MACROD2: variants seen among roughly 807,000 people sequenced by gnomAD.
MACROD2 encodes the protein ADP-ribose glycohydrolase MACROD2.
A neutral mutation model predicts 70.4 loss-of-function variants in MACROD2; 36 were observed. The ratio of observed to expected loss-of-function variants is 0.51; its 90% confidence interval spans 0.39 to 0.68. The LOEUF (loss-of-function observed/expected upper bound fraction) is 0.68, where lower values mean the gene tolerates loss of function less well. MACROD2 is among the 30% of genes least tolerant of loss of function. MACROD2 has a pLI of 0.00. For synonymous variants in MACROD2, 172 were observed against 178.8 expected, an observed-to-expected ratio of 0.96 and a Z score of 0.30; for missense variants, 496 against 538.4, an observed-to-expected ratio of 0.92 and a Z score of 0.78.
At chr20:15,164,935 G>A (rs1357406442) in intron 5 of MACROD2, among the ~76,000 whole-genome samples, 1 of 151,778 alleles carries the variant, frequency 6.6e-6, no homozygotes, top group East Asian at 1.9e-4. Context: ...ATCAATATCA[G>A]CATAAATGAG....
rs1442573778 is a variant in MACROD2, at chr20:15,967,552, GATTTTGCAAAGGATGAAA to G, written c.910_927del (p.Phe304_Asn309del). ...CAAAGGTTTTGCTTGTTTGTTGTTA[GATTTTGCAAAGGATGAAA>G]ATATTACAAAAGGCGGTGAAGTGAC... On this transcript the variant is annotated inframe_deletion and splice_region_variant, in exon 13 of 18. Transcript: ENST00000684519. 1 of 1,610,238 alleles carries G rather than the reference GATTTTGCAAAGGATGAAA, an allele frequency of 6.2e-7. No homozygotes were observed. The highest frequency in any genetic ancestry group is 1.7e-5 in the Admixed American group (1 of 59,306).
rs750964083 is a variant in MACROD2, at chr20:15,543,425, ACAC to A, written c.645+43579_645+43581del. Among the ~76,000 whole-genome samples, 18 of 152,082 alleles carry A rather than the reference ACAC, an allele frequency of 1.2e-4. No homozygotes were observed. The South Asian group carries it at 3.7e-3, about 32-fold the overall frequency. On this transcript the variant is annotated intron_variant, in intron 8 of 17. Transcript: ENST00000684519. Reference sequence around the variant, plus strand: ...TAGTTATTGTTATTTTAATGGTGCCACACACAGGTGATCAAGGTTTCAGTGCCA... The same window carrying A: ...TAGTTATTGTTATTTTAATGGTGCCAACAGGTGATCAAGGTTTCAGTGCCA...
chr20:16,026,068 G>A (rs191748807), intron 15 of MACROD2, among the ~76,000 whole-genome samples: 9 of 152,042 alleles, frequency 5.9e-5, no homozygotes, highest in Non-Finnish European at 1.0e-4. Context: ...CAGGAGAATC[G>A]CTTGAACCCA....
chr20:15,347,144 A>G (rs1353857923), intron 6 of MACROD2, among the ~76,000 whole-genome samples: 1 of 152,166 alleles, frequency 6.6e-6, no homozygotes, highest in Non-Finnish European at 1.5e-5. Context: ...GCAGCTCTCT[A>G]CATACTTCAA....
At chr20:15,800,495 A>T (rs1175018485) in intron 8 of MACROD2, among the ~76,000 whole-genome samples, 1 of 152,144 alleles carries the variant, frequency 6.6e-6, no homozygotes, top group Non-Finnish European at 1.5e-5. Context: ...ATTCCTCTGC[A>T]TAGGGATATT....
chr20:14,685,905 G>C (rs1412903152), intron 5 of MACROD2, among the ~76,000 whole-genome samples: 1 of 152,138 alleles, frequency 6.6e-6, no homozygotes, highest in Non-Finnish European at 1.5e-5. Flanking sequence ...TATATAGACA[G>C]GTTGTCATAA....
chr20:14,077,446 CCTT>C (rs890863813), intron 2 of MACROD2, among the ~76,000 whole-genome samples: 1 of 152,084 alleles, frequency 6.6e-6, no homozygotes, highest in Non-Finnish European at 1.5e-5. Flanking sequence ...ACAGCTGTCT[CCTT>C]AAGTTTTCTT....
At chr20:15,969,371 A>C (rs186997484) in intron 13 of MACROD2, among the ~76,000 whole-genome samples, 30 of 152,304 alleles carry the variant, frequency 2.0e-4, no homozygotes, top group Non-Finnish European at 1.5e-5. Flanking sequence ...ACAATAAGGC[A>C]AGAGAAGTTC....
intron 3 of MACROD2, among the ~76,000 whole-genome samples, chr20:14,450,147 T>C (rs1184947107): frequency 6.6e-6 from 1 of 152,116 alleles, no homozygotes; most frequent in Non-Finnish European, 1.5e-5. Flanking sequence ...AATCAGTGTA[T>C]CTCAATGTAA....
intron 5 of MACROD2, among the ~76,000 whole-genome samples, chr20:14,851,112 A>G (rs1312690382): frequency 3.9e-5 from 6 of 152,312 alleles, no homozygotes; most frequent in South Asian, 2.1e-4. Flanking sequence ...AAAATACACA[A>G]AGTAAGTTGT....
At chr20:14,533,241 T>C (rs902990429) in intron 4 of MACROD2, among the ~76,000 whole-genome samples, 1 of 152,244 alleles carries the variant, frequency 6.6e-6, no homozygotes, top group African/African-American at 2.4e-5. Flanking sequence ...TTCTGCTTTC[T>C]TTAGCAATTT....
intron 3 of MACROD2, among the ~76,000 whole-genome samples, chr20:14,464,329 T>C (rs1041301381): frequency 3.3e-5 from 5 of 152,148 alleles, no homozygotes; most frequent in Non-Finnish European, 7.3e-5. Context: ...CGTAGAGGTA[T>C]TTGTAGTATT....
chr20:15,770,380 A>C (rs754773986), intron 8 of MACROD2, among the ~76,000 whole-genome samples: 3 of 152,144 alleles, frequency 2.0e-5, no homozygotes, highest in Non-Finnish European at 4.4e-5. Context: ...GACTAAGAAA[A>C]GTAGATTCTA....
chr20:15,048,275 C>A (rs958699246), intron 5 of MACROD2, among the ~76,000 whole-genome samples: 2 of 151,916 alleles, frequency 1.3e-5, no homozygotes, highest in African/African-American at 4.8e-5. Context: ...AGCAAGACTC[C>A]ATCTCAAAAA....
At chr20:15,975,149 A>C (rs1369072336) in intron 13 of MACROD2, among the ~76,000 whole-genome samples, 1 of 152,166 alleles carries the variant, frequency 6.6e-6, no homozygotes, top group African/African-American at 2.4e-5. Flanking sequence ...ATATGAAGAG[A>C]TGCCCTATCT....
At chr20:15,105,227 G>C (rs2075901931) in intron 5 of MACROD2, among the ~76,000 whole-genome samples, 2 of 152,184 alleles carry the variant, frequency 1.3e-5, no homozygotes, top group South Asian at 4.2e-4. Context: ...TCTCTTCCTT[G>C]TCTTGGCTCT....
chr20:14,909,733 C>T (rs2225305), intron 5 of MACROD2, among the ~76,000 whole-genome samples: 134,611 of 152,088 alleles, frequency 0.89, 59,627 homozygotes, highest in East Asian at 1. Flanking sequence ...ACTGCTTCTA[C>T]CTATCTGAAA....
intron 8 of MACROD2, among the ~76,000 whole-genome samples, chr20:15,741,258 A>ATTTT (rs1212650313): frequency 1.4e-5 from 2 of 140,144 alleles, no homozygotes; most frequent in East Asian, 2.1e-4. Context: ...CACCCGGCTA[A>ATTTT]TTTTTTTTTT....
chr20:14,910,852 CT>C (rs567576246), intron 5 of MACROD2, among the ~76,000 whole-genome samples: 32 of 152,148 alleles, frequency 2.1e-4, no homozygotes, highest in Non-Finnish European at 4.0e-4. Context: ...GATATTGATG[CT>C]GTTAATTCCC....
Sources: gnomAD v4.1 joint callset for allele counts (sites outside exome capture counted in the v4.1 genomes callset) on GRCh38, gnomAD v4.1.1 for gene constraint, MANE v1.5 for transcripts, NCBI Gene and HGNC (gene_info 2026-07-23, HGNC 2026-07-21) for gene names.